The following PAX5 variants were observed in gnomAD, a reference collection of about 807,000 sequenced individuals.
PAX5 encodes paired box 5, also known as paired box protein Pax-5.
In PAX5, 9 loss-of-function variants were observed where a neutral mutation model predicts 43.7. The ratio of observed to expected loss-of-function variants is 0.21; its 90% CI spans 0.12 to 0.36. The LOEUF (loss-of-function observed/expected upper bound fraction) is 0.36. PAX5 is among the 10% of genes least tolerant of loss of function. The pLI, the probability that PAX5 is intolerant of heterozygous loss-of-function variation, is 1.00. For synonymous variants in PAX5, 228 were observed against 214.3 expected, an observed-to-expected ratio of 1.06 and a Z score of -0.56; for missense variants, 383 against 532.7, an observed-to-expected ratio of 0.72 and a Z score of 2.77.
chr9:36,973,020 T>G (rs1161664278), intron 5 of PAX5, among the ~76,000 whole-genome samples: 2 of 93,118 alleles, frequency 2.1e-5, no homozygotes, highest in African/African-American at 7.8e-5. Context: ...AGAGCGAGAT[T>G]CAGTCTCAAA....
intron 5 of PAX5, among the ~76,000 whole-genome samples, chr9:36,987,183 T>C (rs1206811218): frequency 6.6e-6 from 1 of 152,186 alleles, no homozygotes; most frequent in Non-Finnish European, 1.5e-5. Context: ...AAAGGCGCTG[T>C]GGAGGAATAA....
chr9:36,978,932 T>G (rs1297914501), intron 5 of PAX5, among the ~76,000 whole-genome samples: 2 of 152,102 alleles, frequency 1.3e-5, no homozygotes, highest in East Asian at 1.9e-4. Flanking sequence ...ATATATATGA[T>G]CTTCAACCTC....
At chr9:36,960,953 C>G (rs1463980184) in intron 6 of PAX5, among the ~76,000 whole-genome samples, 2 of 152,204 alleles carry the variant, frequency 1.3e-5, no homozygotes, top group Non-Finnish European at 2.9e-5. Context: ...CTCCAGGAAG[C>G]CTTCCTCTTT....
chr9:36,930,887 C>T lies in PAX5; in HGVS notation c.781-7403G>A, dbSNP rs1388597306. The T allele has an allele frequency of 7.7e-7, 1 of 1,305,994 alleles. No homozygotes were observed. The highest frequency in any genetic ancestry group is 2.3e-5 in the Admixed American group (1 of 43,972). 80.9% of individuals were successfully genotyped at this position (1,305,994 alleles called of 1,614,324 possible). On this transcript the variant is annotated intron_variant, in intron 6 of 9. Transcript: ENST00000358127. ...CATCATTTGGGTCCCTAGGAAATTACCTGGAAAAGGACTGCCTGGGGCTGC... is the reference window on the plus strand; with the variant it reads ...CATCATTTGGGTCCCTAGGAAATTATCTGGAAAAGGACTGCCTGGGGCTGC...
intron 8 of PAX5, among the ~76,000 whole-genome samples, chr9:36,872,285 A>G (rs947750581): frequency 1.7e-4 from 26 of 152,220 alleles, no homozygotes; most frequent in African/African-American, 5.8e-4. Context: ...ACAGCCCCAG[A>G]TCTGAAGGGA....
At chr9:37,025,863 G>A (rs1840301243) in intron 1 of PAX5, among the ~76,000 whole-genome samples, 1 of 152,048 alleles carries the variant, frequency 6.6e-6, no homozygotes, top group Admixed American at 6.5e-5. Flanking sequence ...TTTTTAAAGG[G>A]GAGAAGCCAT....
intron 8 of PAX5, among the ~76,000 whole-genome samples, chr9:36,864,044 G>A (rs1177203559): frequency 6.6e-6 from 1 of 152,220 alleles, no homozygotes; most frequent in African/African-American, 2.4e-5. Context: ...ACGAGGCAGA[G>A]GTTGCAGTGA....
intron 8 of PAX5, among the ~76,000 whole-genome samples, chr9:36,850,033 C>T (rs550171034): frequency 2.0e-5 from 3 of 152,266 alleles, no homozygotes; most frequent in South Asian, 2.1e-4. Context: ...GGAGTGGAAG[C>T]GACCACGTGA....
chr9:36,881,649 G>C (rs1483647383), intron 8 of PAX5, among the ~76,000 whole-genome samples: 2 of 151,846 alleles, frequency 1.3e-5, no homozygotes, highest in African/African-American at 4.8e-5. Flanking sequence ...GTGTGGGAGA[G>C]AGGGCGGGGG....
intron 5 of PAX5, among the ~76,000 whole-genome samples, chr9:36,988,662 C>CAAAAAAAAA (rs139552622): frequency 4.8e-5 from 5 of 103,510 alleles, no homozygotes; most frequent in African/African-American, 2.0e-4. Context: ...GACCCTGTCT[C>CAAAAAAAAA]AAAAAAAAAA....
chr9:36,945,502 C>A lies in PAX5; in HGVS notation c.780+21047G>T, dbSNP rs547793967. On this transcript the variant is annotated intron_variant, in intron 6 of 9. Transcript: ENST00000358127. ...GTGATCTTCCCACATTGGCCTCCCA[C>A]AGTGCTGGGATGACAGGTGTAAGCC... is the stretch of plus-strand genomic sequence containing the variant. Among the ~76,000 whole-genome samples, 30 of 152,352 alleles carry A rather than the reference C, an allele frequency of 2.0e-4. 1 individual carries two copies. In the South Asian group the frequency reaches 6.0e-3, roughly 31 times the overall value.
At chr9:36,989,324 A>T (rs979547856) in intron 5 of PAX5, among the ~76,000 whole-genome samples, 1 of 152,186 alleles carries the variant, frequency 6.6e-6, no homozygotes, top group African/African-American at 2.4e-5. Context: ...TGAGAGGCAG[A>T]CTGGGATGGC....
intron 5 of PAX5, among the ~76,000 whole-genome samples, chr9:36,990,732 G>C (rs899471700): frequency 6.6e-6 from 1 of 152,242 alleles, no homozygotes; most frequent in African/African-American, 2.4e-5. Flanking sequence ...TTGCCATAAG[G>C]CAGGCCTTTT....
chr9:36,976,175 T>C (rs1588127762), intron 5 of PAX5, among the ~76,000 whole-genome samples: 1 of 152,326 alleles, frequency 6.6e-6, no homozygotes. Context: ...GATAAACTAC[T>C]AAACTCAGTT....
intron 6 of PAX5, among the ~76,000 whole-genome samples, chr9:36,947,777 A>G (rs1174116898): frequency 6.6e-6 from 1 of 150,746 alleles, no homozygotes; most frequent in African/African-American, 2.4e-5. Flanking sequence ...CACACCTCAC[A>G]CTTTGGCCAC....
chr9:36,853,994 T>A, intron 8 of PAX5, among the ~76,000 whole-genome samples: 1 of 152,244 alleles, frequency 6.6e-6, no homozygotes, highest in East Asian at 1.9e-4. Flanking sequence ...GATGGTGGGC[T>A]CCCACCTCTG....
At position 36,838,840 on chromosome 9, in the gene PAX5, T is replaced by G. The variant is rs1171229979; in HGVS notation, c.*1720A>C. ...CCAAGGCAGCCAAGGCTCAAAGAGGTGCAGGGTTTTGTCTGAGGTCCCACA... is the reference window on the plus strand; with the variant it reads ...CCAAGGCAGCCAAGGCTCAAAGAGGGGCAGGGTTTTGTCTGAGGTCCCACA... On this transcript the variant is annotated 3_prime_UTR_variant, in exon 10 of 10. Coordinates refer to ENST00000358127, the MANE Select transcript of PAX5 (RefSeq NM_016734.3). The G allele has an allele frequency of 2.1e-5, 5 of 233,088 alleles. No homozygotes were observed. Among genetic ancestry groups the G allele is most frequent in the Non-Finnish European group, 4.2e-5 (5 of 118,064 alleles). 14.4% of individuals were successfully genotyped at this position (233,088 alleles called of 1,614,324 possible). A position where few individuals can be genotyped will look rare whatever the true frequency, so the allele number is the denominator to read the frequency against.
At chr9:36,863,948 A>G (rs1309313344) in intron 8 of PAX5, among the ~76,000 whole-genome samples, 3 of 152,206 alleles carry the variant, frequency 2.0e-5, no homozygotes, top group Non-Finnish European at 4.4e-5. Context: ...GTCTCTACTA[A>G]AAATACAAAA....
chr9:36,989,455 A>T (rs72735664), intron 5 of PAX5, among the ~76,000 whole-genome samples: 12,248 of 151,618 alleles, frequency 0.081, 589 homozygotes, highest in South Asian at 0.16. Flanking sequence ...CACCTGGTAC[A>T]GTGGTTGTGA....
Sources: allele counts gnomAD v4.1 joint callset (sites outside exome capture counted in the v4.1 genomes callset), GRCh38; gene constraint gnomAD v4.1.1; transcripts MANE v1.5; gene names NCBI Gene and HGNC (gene_info 2026-07-23, HGNC 2026-07-21).